The following AIDA variants were observed in gnomAD, a reference collection of about 807,000 sequenced individuals.
AIDA encodes axin interactor, dorsalization-associated protein.
AIDA carries 18 observed loss-of-function variants against 42.7 expected under a neutral mutation model. The observed-to-expected ratio is 0.42, with a 90% CI of 0.29 to 0.63. The LOEUF (loss-of-function observed/expected upper bound fraction) is 0.63. AIDA is among the 20% of genes least tolerant of loss of function. AIDA has a pLI of 0.19. For missense variants in AIDA, 250 were observed against 354.1 expected, an observed-to-expected ratio of 0.71 and a Z score of 2.36; for synonymous variants, 104 against 122.9, an observed-to-expected ratio of 0.85 and a Z score of 1.02.
intron 4 of AIDA, among the ~76,000 whole-genome samples, chr1:222,688,844 T>A (rs1199183011): frequency 6.6e-6 from 1 of 152,092 alleles, no homozygotes; most frequent in African/African-American, 2.4e-5. Flanking sequence ...GGTGATTGCC[T>A]GCCTCAGCCT....
chr1:222,698,300 G>A (rs1655577286), intron 2 of AIDA, among the ~76,000 whole-genome samples: 1 of 152,074 alleles, frequency 6.6e-6, no homozygotes, highest in Non-Finnish European at 1.5e-5. Context: ...GAGCTTGTTA[G>A]ACTTAAAATA....
chr1:222,694,201 A>C lies in AIDA; in HGVS notation c.234+9T>G, dbSNP rs1655452678. On this transcript the variant is annotated intron_variant, in intron 3 of 9. Transcript: ENST00000340020. ...TTTCCTTGTATTACAGAAGAGAAAA[A>C]CTCCTTACCTGTAAAGCTGCACTTC... 1 of 1,603,878 alleles carries C rather than the reference A, an allele frequency of 6.2e-7. No individual in the cohort carries two copies. The highest frequency in any genetic ancestry group is 8.5e-7 in the Non-Finnish European group (1 of 1,176,692).
At chr1:222,671,358 A>C (rs17531468) in intron 8 of AIDA, among the ~76,000 whole-genome samples, 13,004 of 152,298 alleles carry the variant, frequency 0.085, 668 homozygotes, top group African/African-American at 0.13. Flanking sequence ...TGGCCAACAA[A>C]AATGAATTTC....
At chr1:222,690,973 T>C (rs150053106) in intron 4 of AIDA, among the ~76,000 whole-genome samples, 31 of 152,268 alleles carry the variant, frequency 2.0e-4, no homozygotes, top group African/African-American at 7.5e-4. Context: ...TCTCAGACTC[T>C]CATCAGAAAA....
At chr1:222,677,037 A>G (rs997836863) in intron 6 of AIDA, among the ~76,000 whole-genome samples, 4 of 152,010 alleles carry the variant, frequency 2.6e-5, no homozygotes, top group Non-Finnish European at 5.9e-5. Flanking sequence ...ATCAACTGAT[A>G]TCTCTCAACT....
chr1:222,693,022 C>G (rs1251365816), intron 4 of AIDA, among the ~76,000 whole-genome samples: 4 of 152,060 alleles, frequency 2.6e-5, no homozygotes, highest in African/African-American at 7.2e-5. Flanking sequence ...TGAAGTGAAA[C>G]AGAGCAAATC....
intron 8 of AIDA, 139 bp downstream of exon 8, chr1:222,673,174 A>G: frequency 1.4e-6 from 1 of 709,558 alleles, no homozygotes. Context: ...AAAAATATGT[A>G]TATTTATTCA....
intron 2 of AIDA, among the ~76,000 whole-genome samples, chr1:222,696,324 C>T (rs1315294309): frequency 2.0e-5 from 3 of 152,184 alleles, no homozygotes; most frequent in Admixed American, 1.3e-4. Context: ...TCAATTCTAA[C>T]AAAACTAGTA....
At chr1:222,693,660 C>G in intron 4 of AIDA, 129 bp downstream of exon 4, 1 of 708,070 alleles carries the variant, frequency 1.4e-6, no homozygotes, top group Non-Finnish European at 2.2e-6. Flanking sequence ...CAAAAGCACC[C>G]AAAAAATCAC....
chr1:222,690,946 T>C (rs557532591), intron 4 of AIDA, among the ~76,000 whole-genome samples: 75 of 152,294 alleles, frequency 4.9e-4, no homozygotes, highest in African/African-American at 1.7e-3. Context: ...CAGAGAGTCT[T>C]TGCCCTCATA....
chr1:222,705,556 G>A (rs1655815863), intron 1 of AIDA, among the ~76,000 whole-genome samples: 1 of 152,200 alleles, frequency 6.6e-6, no homozygotes, highest in Non-Finnish European at 1.5e-5. Flanking sequence ...AATAGGGAAA[G>A]GAAGGATGCT....
At chr1:222,699,212 C>T (rs888630425) in intron 2 of AIDA, among the ~76,000 whole-genome samples, 21 of 152,070 alleles carry the variant, frequency 1.4e-4, no homozygotes, top group African/African-American at 4.8e-4. Flanking sequence ...TTTGCCATTG[C>T]TACAAAAACA....
chr1:222,712,346 C>A lies in AIDA; in HGVS notation c.-29G>T. ...CGGTCCCCACCCCGTCCCCTCCCGCCCCTACCCCAGCAAGGCCGGGTTCTA... is the reference window on the plus strand; with the variant it reads ...CGGTCCCCACCCCGTCCCCTCCCGCACCTACCCCAGCAAGGCCGGGTTCTA... On this transcript the variant is annotated 5_prime_UTR_variant, in exon 1 of 10. Coordinates refer to ENST00000340020, the MANE Select transcript of AIDA (RefSeq NM_022831.4). 6.5e-7 allele frequency: 1 copy of A among 1,527,178 alleles called. No homozygotes were observed. Among genetic ancestry groups the A allele is most frequent in the East Asian group, 2.5e-5 (1 of 40,676 alleles). The allele number at this position is 1,527,178 out of a possible 1,614,324, so 94.6% of individuals were successfully genotyped here.
At chr1:222,712,048 C>A (rs112252486) in intron 1 of AIDA, 160 bp downstream of exon 1, 16 of 1,133,478 alleles carry the variant, frequency 1.4e-5, no homozygotes, top group Non-Finnish European at 1.9e-5. Context: ...CTAGAGCAGC[C>A]TCGCTGGGGC....
chr1:222,677,568 A>G (rs1376925763), intron 6 of AIDA, among the ~76,000 whole-genome samples: 1 of 152,192 alleles, frequency 6.6e-6, no homozygotes, highest in Non-Finnish European at 1.5e-5. Flanking sequence ...GCTACCTTTT[A>G]TCAGATTAAG....
intron 1 of AIDA, among the ~76,000 whole-genome samples, chr1:222,706,559 T>C (rs995836675): frequency 5.9e-5 from 9 of 151,292 alleles, no homozygotes; most frequent in African/African-American, 1.9e-4. Context: ...TTACGCTAAA[T>C]GAAAGAAGTC....
rs1664417379 is a variant in AIDA, at chr1:222,670,058, G to A, written c.825-69C>T. 3.1e-6 allele frequency: 5 copies of A among 1,607,434 alleles called. No individual in the cohort carries two copies. In the Admixed American group the frequency reaches 6.7e-5, roughly 21 times the overall value. On this transcript the variant is annotated intron_variant, in intron 9 of 9. Coordinates refer to ENST00000340020, the MANE Select transcript of AIDA (RefSeq NM_022831.4). ...ACTGAACTCTTCAAGGTTAAATACT[G>A]GATATGGGGGATTCAGAAGAAAGAT...
At chr1:222,675,163 T>C (rs1374234368) in intron 7 of AIDA, among the ~76,000 whole-genome samples, 2 of 152,218 alleles carry the variant, frequency 1.3e-5, no homozygotes, top group Non-Finnish European at 2.9e-5. Flanking sequence ...TTTCTATGAC[T>C]GACAAAAGTT....
chr1:222,689,989 T>C lies in AIDA; in HGVS notation c.290-2331A>G, dbSNP rs113702344. Among the ~76,000 whole-genome samples, 1,262 of 152,184 alleles carry C rather than the reference T, an allele frequency of 8.3e-3. 5 individuals are homozygous for C. Among genetic ancestry groups the C allele is most frequent in the Middle Eastern group, 0.027 (8 of 294 alleles). On this transcript the variant is annotated intron_variant, in intron 4 of 9. Coordinates refer to ENST00000340020, the MANE Select transcript of AIDA (RefSeq NM_022831.4). ...CCTTTTTCTACTATGTTCAGATAGG[T>C]TACATACATAAAAACTTACCACTGT...
Sources: allele counts gnomAD v4.1 joint callset (sites outside exome capture counted in the v4.1 genomes callset), GRCh38; gene constraint gnomAD v4.1.1; transcripts MANE v1.5; gene names NCBI Gene and HGNC (gene_info 2026-07-23, HGNC 2026-07-21).